The following NRXN3 variants were observed in gnomAD, a reference collection of about 807,000 sequenced individuals.
NRXN3 encodes neurexin III.
A neutral mutation model predicts 137.6 loss-of-function variants in NRXN3; 32 were observed. The ratio of observed to expected loss-of-function variants is 0.23; its 90% confidence interval spans 0.18 to 0.31. The LOEUF (loss-of-function observed/expected upper bound fraction) is 0.31, where lower values mean the gene tolerates loss of function less well. Ranked by LOEUF, NRXN3 falls within the 10% of genes least tolerant of loss-of-function variation. The probability of loss-of-function intolerance (pLI) is 1.00; values close to 1 mark genes in which losing one functional copy is unlikely to be tolerated. For missense variants in NRXN3, 1,574 were observed against 2,062.5 expected, an observed-to-expected ratio of 0.76 and a Z score of 4.59; for synonymous variants, 798 against 784.5, an observed-to-expected ratio of 1.02 and a Z score of -0.29.
At chr14:79,412,911 C>T (rs189237803) in intron 15 of NRXN3, among the ~76,000 whole-genome samples, 6 of 151,860 alleles carry the variant, frequency 4.0e-5, no homozygotes, top group Non-Finnish European at 5.9e-5. Context: ...AACCAAAAGG[C>T]CTCCAGTTGA....
chr14:79,109,173 G>A (rs1295290362), intron 15 of NRXN3, among the ~76,000 whole-genome samples: 1 of 152,144 alleles, frequency 6.6e-6, no homozygotes, highest in African/African-American at 2.4e-5. Context: ...TGTGTATTCA[G>A]AAGAGTGTGG....
chr14:79,088,324 G>A (rs2048513165), intron 15 of NRXN3, among the ~76,000 whole-genome samples: 1 of 149,372 alleles, frequency 6.7e-6, no homozygotes, highest in Admixed American at 6.6e-5. Flanking sequence ...CAGGTGAAAT[G>A]GGAGCCCTTT....
chr14:79,169,246 A>G (rs946366942), intron 15 of NRXN3, among the ~76,000 whole-genome samples: 2 of 152,100 alleles, frequency 1.3e-5, no homozygotes, highest in African/African-American at 4.8e-5. Context: ...AGAATGCTAC[A>G]TGCTCCCAGC....
intron 4 of NRXN3, among the ~76,000 whole-genome samples, chr14:78,595,097 TGAAAG>T (rs1273828833): frequency 6.6e-6 from 1 of 151,630 alleles, no homozygotes; most frequent in Non-Finnish European, 1.5e-5. Context: ...AAGAAGAAAA[TGAAAG>T]AGGATAATGA....
chr14:78,625,119 C>T (rs561926695), intron 4 of NRXN3, among the ~76,000 whole-genome samples: 4 of 152,302 alleles, frequency 2.6e-5, no homozygotes, highest in Admixed American at 1.3e-4. Context: ...GGATTACAGG[C>T]GTGAGCCACC....
At chr14:79,376,093 C>G (rs1250297964) in intron 15 of NRXN3, among the ~76,000 whole-genome samples, 1 of 147,156 alleles carries the variant, frequency 6.8e-6, no homozygotes, top group Non-Finnish European at 1.5e-5. Context: ...TAGTCATCAT[C>G]ATCATCATAT....
chr14:79,015,376 C>G (rs2099577591), intron 15 of NRXN3, among the ~76,000 whole-genome samples: 1 of 152,202 alleles, frequency 6.6e-6, no homozygotes, highest in African/African-American at 2.4e-5. Flanking sequence ...ATTCTGCAAA[C>G]CACGGCTGAG....
intron 2 of NRXN3, among the ~76,000 whole-genome samples, chr14:78,270,409 G>C (rs1236073441): frequency 6.6e-6 from 1 of 152,160 alleles, no homozygotes; most frequent in Admixed American, 6.5e-5. Context: ...GAGAAGGACA[G>C]CTTCCATTTC....
chr14:79,720,922 T>C (rs980151487), intron 19 of NRXN3, among the ~76,000 whole-genome samples: 7 of 152,096 alleles, frequency 4.6e-5, no homozygotes, highest in African/African-American at 1.7e-4. Context: ...GTAGGGAGCA[T>C]GTTTGAAGGT....
In NRXN3 at chr14:79,866,613, T is replaced by C. The variant is rs1435927177; in HGVS notation, c.*4649T>C. On this transcript the variant is annotated 3_prime_UTR_variant, in exon 21 of 21. Transcript: ENST00000335750. ...AGGTTTTTGAAATCATGTCAATGAA[T>C]GGGAAGAGAGAAATGGGAGAATAGC... 1.3e-5 allele frequency: 2 copies of C among 152,134 alleles called. No homozygotes were observed. Among genetic ancestry groups the C allele is most frequent in the African/African-American group, 4.8e-5 (2 of 41,426 alleles). 9.4% of individuals were successfully genotyped at this position (152,134 alleles called of 1,614,324 possible). A position where few individuals can be genotyped will look rare whatever the true frequency, so the allele number is the denominator to read the frequency against.
At chr14:78,886,560 T>A (rs997913496) in intron 10 of NRXN3, among the ~76,000 whole-genome samples, 4 of 152,118 alleles carry the variant, frequency 2.6e-5, no homozygotes, top group African/African-American at 9.7e-5. Flanking sequence ...GATTCTATGA[T>A]AAGTGATTGA....
chr14:78,185,268 A>G (rs2060142242), intron 1 of NRXN3, among the ~76,000 whole-genome samples: 1 of 152,214 alleles, frequency 6.6e-6, no homozygotes, highest in Non-Finnish European at 1.5e-5. Flanking sequence ...GGAGGGAGTA[A>G]TGACCTCCTG....
At chr14:78,891,234 A>G (rs1431618172) in intron 10 of NRXN3, among the ~76,000 whole-genome samples, 1 of 151,666 alleles carries the variant, frequency 6.6e-6, no homozygotes, top group Admixed American at 6.6e-5. Flanking sequence ...CAATGTATTT[A>G]CTCCTTCAGT....
At chr14:79,308,098 T>G (rs1226240906) in intron 15 of NRXN3, among the ~76,000 whole-genome samples, 1 of 152,130 alleles carries the variant, frequency 6.6e-6, no homozygotes, top group Non-Finnish European at 1.5e-5. Flanking sequence ...CTCATGCATC[T>G]GAGCTCATTT....
At chr14:79,618,493 C>A (rs766517849) in intron 16 of NRXN3, among the ~76,000 whole-genome samples, 2 of 151,944 alleles carry the variant, frequency 1.3e-5, no homozygotes, top group African/African-American at 4.8e-5. Context: ...CCTCCAGGTG[C>A]ATCCATGTTA....
chr14:78,278,271 G>T (rs1283675854), intron 2 of NRXN3, among the ~76,000 whole-genome samples: 1 of 152,072 alleles, frequency 6.6e-6, no homozygotes, highest in African/African-American at 2.4e-5. Context: ...GGAGGAGGAG[G>T]ATTTGCTTTG....
At chr14:79,215,144 A>G (rs2068277948) in intron 15 of NRXN3, among the ~76,000 whole-genome samples, 1 of 152,188 alleles carries the variant, frequency 6.6e-6, no homozygotes, top group African/African-American at 2.4e-5. Flanking sequence ...ATTCTCCTGT[A>G]TTAAGAAGAT....
At chr14:78,670,487 A>G (rs2152711554) in intron 6 of NRXN3, among the ~76,000 whole-genome samples, 1 of 152,306 alleles carries the variant, frequency 6.6e-6, no homozygotes, top group African/African-American at 2.4e-5. Flanking sequence ...AATGCAGCCC[A>G]GTAGGTCTCA....
chr14:78,610,035 GGAGA>G (rs143182887), intron 4 of NRXN3, among the ~76,000 whole-genome samples: 174 of 148,472 alleles, frequency 1.2e-3, no homozygotes, highest in Non-Finnish European at 1.5e-3. Flanking sequence ...AGAGAGGGAG[GGAGA>G]GAGAGAGAGA....
Sources: allele counts gnomAD v4.1 joint callset (sites outside exome capture counted in the v4.1 genomes callset), GRCh38; gene constraint gnomAD v4.1.1; transcripts MANE v1.5; gene names NCBI Gene and HGNC (gene_info 2026-07-23, HGNC 2026-07-21).